PLCXD1: variants seen among roughly 807,000 people sequenced by gnomAD.
The protein encoded by PLCXD1 is PI-PLC X domain-containing protein 1.
PLCXD1 carries 45 observed loss-of-function variants against 37.8 expected under a neutral mutation model. The observed-to-expected ratio is 1.19, with a 90% CI of 0.94 to 1.53. The LOEUF (loss-of-function observed/expected upper bound fraction) is 1.53. Ranked by LOEUF, PLCXD1 falls within the 40% of genes most tolerant of loss-of-function variation. The pLI is 0.00. For synonymous variants in PLCXD1, 246 were observed against 206.9 expected, an observed-to-expected ratio of 1.19 and a Z score of -1.62; for missense variants, 539 against 454.7, an observed-to-expected ratio of 1.19 and a Z score of -1.69.
Position 288,815 on chromosome X carries a change from C to A in PLCXD1, c.210C>A (p.Asn70Lys). ...AGTCCCGGCTGCTGCAGCTGCTGAACAAGGCCTTGCCCTGCATCACGCGCC... is the reference window on the plus strand; with the variant it reads ...AGTCCCGGCTGCTGCAGCTGCTGAAAAAGGCCTTGCCCTGCATCACGCGCC... ...HEESRLLQLL[N>K]KALPCITRPV... The change falls in exon 3 of 7, where the codon AAC (asparagine) becomes AAA (lysine). Residue 70 changes from asparagine (N) to lysine (K), a missense_variant. Transcript: ENST00000381657. The A allele has an allele frequency of 1.2e-6, 2 of 1,613,780 alleles. No individual in the cohort carries two copies. The highest frequency in any genetic ancestry group is 1.7e-6 in the Non-Finnish European group (2 of 1,179,718).
Position 300,500 on chromosome X carries a change from A to G in PLCXD1, c.*1165A>G, listed in dbSNP as rs28780458. 1 of 137,992 alleles carries G rather than the reference A, an allele frequency of 7.2e-6. No homozygotes were observed. Among genetic ancestry groups the G allele is most frequent in the Non-Finnish European group, 1.6e-5 (1 of 63,708 alleles). The allele number at this position is 137,992 out of a possible 1,614,324, so 8.5% of individuals were successfully genotyped here. On this transcript the variant is annotated 3_prime_UTR_variant, in exon 7 of 7. Transcript: ENST00000381657. ...TGTGTATATGTGTGTATGTGTGTAT[A>G]TATGTATATGTGTGCATATGTGTAT...
intron 3 of PLCXD1, among the ~76,000 whole-genome samples, chrX:289,807 G>A (rs1055768724): frequency 1.7e-4 from 26 of 151,968 alleles, no homozygotes; most frequent in African/African-American, 4.3e-4. Flanking sequence ...CACCGCGCCC[G>A]GCCGAGACAA....
Position 302,532 on chromosome X carries a change from T to A in PLCXD1, c.*3197T>A, listed in dbSNP as rs1481739853. 1 of 152,204 alleles carries A rather than the reference T, an allele frequency of 6.6e-6. No individual in the cohort carries two copies. Among genetic ancestry groups the A allele is most frequent in the Admixed American group, 6.5e-5 (1 of 15,274 alleles). 9.4% of individuals were successfully genotyped at this position (152,204 alleles called of 1,614,324 possible). Reference sequence around the variant, plus strand: ...CCTCAGCCTCCCGAGGAGCTGAGATTACAGGCGCGTGCCACCGTGCCTGGT... The same window carrying A: ...CCTCAGCCTCCCGAGGAGCTGAGATAACAGGCGCGTGCCACCGTGCCTGGT... On this transcript the variant is annotated 3_prime_UTR_variant, in exon 7 of 7. Coordinates refer to ENST00000381657, the MANE Select transcript of PLCXD1 (RefSeq NM_018390.4).
rs1441985543 is a variant in PLCXD1, at chrX:297,095, C to T, written c.734-2002C>T. Among the ~76,000 whole-genome samples the T allele has an allele frequency of 4.1e-5, 2 of 48,430 alleles. 1 individual carries two copies. The highest frequency in any genetic ancestry group is 7.1e-5 in the Non-Finnish European group (2 of 28,132). 31.8% of individuals were successfully genotyped at this position (48,430 alleles called of 152,430 possible). ...TCTGTCTCCCACATGGGGATCAGGA[C>T]GTGGACATCTTTGGGGACATTATTC... On this transcript the variant is annotated intron_variant, in intron 6 of 6. Coordinates refer to ENST00000381657, the MANE Select transcript of PLCXD1 (RefSeq NM_018390.4).
upstream of PLCXD1, among the ~76,000 whole-genome samples, chrX:276,899 G>A (rs1238037338): frequency 1.3e-5 from 2 of 152,172 alleles, no homozygotes; most frequent in South Asian, 2.1e-4. Flanking sequence ...GGCCACTCAC[G>A]CCTCTGGGAC....
At chrX:294,191 A>G (rs2069725940) in intron 6 of PLCXD1, among the ~76,000 whole-genome samples, 2 of 152,134 alleles carry the variant, frequency 1.3e-5, no homozygotes, top group African/African-American at 4.8e-5. Flanking sequence ...TACAAAAATT[A>G]GCGGGCACAG....
At chrX:282,027 C>T (rs1158386805) in intron 1 of PLCXD1, among the ~76,000 whole-genome samples, 1 of 152,122 alleles carries the variant, frequency 6.6e-6, no homozygotes, top group East Asian at 1.9e-4. Flanking sequence ...GGATGACAGG[C>T]GTGAGCCACC....
chrX:282,703 CAAAA>C (rs34034222), intron 1 of PLCXD1, among the ~76,000 whole-genome samples: 2 of 109,496 alleles, frequency 1.8e-5, no homozygotes, highest in Admixed American at 1.1e-4. Context: ...GAAACTGTGT[CAAAA>C]AAAAAAAAAA....
At chrX:291,735 G>T in intron 5 of PLCXD1, 81 bp downstream of exon 5, 2 of 1,435,184 alleles carry the variant, frequency 1.4e-6, no homozygotes, top group Non-Finnish European at 2.0e-6. Flanking sequence ...TGTGCCCTGG[G>T]TGTGGGTGCT....
At chrX:288,696 T>G in intron 2 of PLCXD1, 37 bp from the exon 3 acceptor site, 1 of 1,611,850 alleles carries the variant, frequency 6.2e-7, no homozygotes, top group Non-Finnish European at 8.5e-7. Context: ...GGGGACGGAC[T>G]CGTGGTGACA....
upstream of PLCXD1, among the ~76,000 whole-genome samples, chrX:276,884 G>A (rs192264333): frequency 0.11 from 16,433 of 152,124 alleles, 1,105 homozygotes; most frequent in East Asian, 0.21. Context: ...GAATGTGCGC[G>A]TCACGGCCAC....
rs370252774 is a variant in PLCXD1, at chrX:293,132, C to T, written c.647C>T (p.Pro216Leu). 1 of 1,612,424 alleles carries T rather than the reference C, an allele frequency of 6.2e-7. No individual in the cohort carries two copies. The highest frequency in any genetic ancestry group is 1.3e-5 in the African/African-American group (1 of 74,890). ...SSLRRHHELWPGVPYWWGNRV... is the reference protein window; with the variant it reads ...SSLRRHHELWLGVPYWWGNRV... ...TTGCGCCGGCACCACGAGCTGTGGC[C>T]AGGAGTCCCCTACTGGTGGGGAAAC... is the stretch of plus-strand genomic sequence containing the variant. Residue 216 changes from proline (P) to leucine (L), a missense_variant, in exon 6 of 7, where the codon CCA becomes CTA. Physicochemically the swap from Pro to Leu is moderately conservative, Grantham distance 98. Coordinates refer to ENST00000381657, the MANE Select transcript of PLCXD1 (RefSeq NM_018390.4).
At position 293,189 on chromosome X, in the gene PLCXD1, T is replaced by C. The variant is rs1194319692; in HGVS notation, c.704T>C (p.Leu235Pro). Residue 235 changes from leucine (L) to proline (P), a missense_variant, in exon 6 of 7, where the codon CTG becomes CCG. By Grantham distance (98) the Leu-to-Pro change is moderately conservative (BLOSUM62 -3). Transcript: ENST00000381657. ...AAGACCGAGGCCCTCATCCGATACC[T>C]GGAGACCATGAAGAGCTGCGGCCGC... The part of the protein sequence containing the change: ...RVKTEALIRY[L>P]ETMKSCGRPG... 2 of 1,612,020 alleles carry C rather than the reference T, an allele frequency of 1.2e-6. No homozygotes were observed. The highest frequency in any genetic ancestry group is 1.7e-6 in the Non-Finnish European group (2 of 1,179,464).
chrX:278,733 C>T (rs191770348), upstream of PLCXD1, among the ~76,000 whole-genome samples: 19,236 of 123,564 alleles, frequency 0.16, 1,557 homozygotes, highest in East Asian at 0.33. Context: ...AGCAAGACTC[C>T]GTCTCAAAAA....
upstream of PLCXD1, among the ~76,000 whole-genome samples, chrX:280,039 G>T (rs1278837761): frequency 6.6e-6 from 1 of 152,142 alleles, no homozygotes; most frequent in Non-Finnish European, 1.5e-5. Flanking sequence ...ACCAGTGATG[G>T]GGTTTTGCCA....
At chrX:278,207 C>T (rs1424841482), upstream of PLCXD1, among the ~76,000 whole-genome samples, 2 of 151,198 alleles carry the variant, frequency 1.3e-5, no homozygotes, top group African/African-American at 2.4e-5. Context: ...AGGGGACACC[C>T]CTCAGTGGTC....
chrX:286,643 T>C (rs2124336605), intron 2 of PLCXD1, among the ~76,000 whole-genome samples: 1 of 152,238 alleles, frequency 6.6e-6, no homozygotes, highest in East Asian at 1.9e-4. Context: ...GGAACGTGAC[T>C]GGGGGCTACA....
chrX:294,481 CAAA>C (rs962052329), intron 6 of PLCXD1, among the ~76,000 whole-genome samples: 4 of 93,744 alleles, frequency 4.3e-5, no homozygotes, highest in African/African-American at 3.4e-5. Flanking sequence ...AACTCTGTCT[CAAA>C]AAAAAAAAAA....
At chrX:290,406 G>T (rs1201464149) in intron 3 of PLCXD1, among the ~76,000 whole-genome samples, 1 of 150,260 alleles carries the variant, frequency 6.7e-6, no homozygotes, top group Non-Finnish European at 1.5e-5. Context: ...CTCCAGCCTG[G>T]GTGACAGAGC....
Sources: gnomAD v4.1 joint callset for allele counts (sites outside exome capture counted in the v4.1 genomes callset) on GRCh38, gnomAD v4.1.1 for gene constraint, MANE v1.5 for transcripts, NCBI Gene and HGNC (gene_info 2026-07-23, HGNC 2026-07-21) for gene names.